The following LRMDA variants were observed in gnomAD, a reference collection of about 807,000 sequenced individuals.
The protein encoded by LRMDA is leucine rich melanocyte differentiation associated, also known as leucine-rich melanocyte differentiation-associated protein.
In LRMDA, 18 loss-of-function variants were observed where a neutral mutation model predicts 29.8. That is an observed-to-expected ratio of 0.60 (90% confidence interval 0.42 to 0.90). LRMDA has a LOEUF of 0.90. LRMDA is among the 40% of genes least tolerant of loss of function. LRMDA has a pLI of 0.00. For missense variants in LRMDA, 273 were observed against 273.9 expected, an observed-to-expected ratio of 1.00 and a Z score of 0.02; for synonymous variants, 125 against 109.4, an observed-to-expected ratio of 1.14 and a Z score of -0.89.
intron 5 of LRMDA, among the ~76,000 whole-genome samples, chr10:76,264,794 G>C (rs542717715): frequency 6.6e-6 from 1 of 152,214 alleles, no homozygotes. Flanking sequence ...GAAATGGAGA[G>C]AGATAAGAAT....
chr10:75,644,842 G>A (rs549065802), intron 2 of LRMDA, among the ~76,000 whole-genome samples: 27 of 152,246 alleles, frequency 1.8e-4, no homozygotes, highest in Middle Eastern at 3.4e-3. Flanking sequence ...CTTCACTTCT[G>A]CAGAATTCCA....
chr10:75,762,111 C>G (rs1843105153), intron 2 of LRMDA, among the ~76,000 whole-genome samples: 1 of 152,156 alleles, frequency 6.6e-6, no homozygotes, highest in Non-Finnish European at 1.5e-5. Flanking sequence ...CCATGCCAGG[C>G]CTGGCATAAT....
chr10:75,551,543 C>T (rs1266993427), intron 2 of LRMDA, among the ~76,000 whole-genome samples: 1 of 151,132 alleles, frequency 6.6e-6, no homozygotes, highest in African/African-American at 2.4e-5. Context: ...TCCATGTGTT[C>T]TAATTGTTCA....
rs1034126748 is a variant in LRMDA at position 76,559,144 on chromosome 10, C to G, written c.*1856C>G. ...AGACGAGTCAGATGTCATATCCAATCTAGCCACACATATATCCTTGTCTTT... is the reference window on the plus strand; with the variant it reads ...AGACGAGTCAGATGTCATATCCAATGTAGCCACACATATATCCTTGTCTTT... On this transcript the variant is annotated 3_prime_UTR_variant, in exon 7 of 7. Coordinates refer to ENST00000611255, the MANE Select transcript of LRMDA (RefSeq NM_001305581.2). 1 of 152,202 alleles carries G rather than the reference C, an allele frequency of 6.6e-6. No individual in the cohort carries two copies. Among genetic ancestry groups the G allele is most frequent in the African/African-American group, 2.4e-5 (1 of 41,452 alleles). The allele number at this position is 152,202 out of a possible 1,614,324, so 9.4% of individuals were successfully genotyped here.
intron 5 of LRMDA, among the ~76,000 whole-genome samples, chr10:76,276,844 G>C (rs560141776): frequency 6.6e-6 from 1 of 151,984 alleles, no homozygotes; most frequent in Non-Finnish European, 1.5e-5. Context: ...CTTGCCTTTC[G>C]TGGGTTCCAA....
chr10:76,016,895 A>G (rs1165585421), intron 2 of LRMDA, among the ~76,000 whole-genome samples: 1 of 152,188 alleles, frequency 6.6e-6, no homozygotes, highest in Non-Finnish European at 1.5e-5. Context: ...TCCTTGTGAA[A>G]CCACTTCCTT....
chr10:75,592,079 A>C (rs1008658539), intron 2 of LRMDA, among the ~76,000 whole-genome samples: 18 of 151,966 alleles, frequency 1.2e-4, no homozygotes, highest in Middle Eastern at 3.4e-3. Flanking sequence ...GAGGGAGAAA[A>C]AGCAACCCAG....
In LRMDA at chr10:75,731,542, T is replaced by A. The variant is rs147246365; in HGVS notation, c.131+293048T>A. On this transcript the variant is annotated intron_variant, in intron 2 of 6. Transcript: ENST00000611255. ...TCAATAAATGTTTGTTGAATGAGAT[T>A]AGGGAGCCCAGAGTTTGAAATTTTA... is the stretch of plus-strand genomic sequence containing the variant. Among the ~76,000 whole-genome samples the A allele has an allele frequency of 1.6e-3, 242 of 152,346 alleles. 1 individual carries two copies. The highest frequency in any genetic ancestry group is 5.4e-3 in the African/African-American group (223 of 41,566).
chr10:75,566,570 C>G (rs1298285983), intron 2 of LRMDA, among the ~76,000 whole-genome samples: 2 of 152,122 alleles, frequency 1.3e-5, no homozygotes, highest in East Asian at 3.9e-4. Flanking sequence ...TCTCTCTTTG[C>G]CTTCTCCTTG....
chr10:75,932,645 C>A (rs755908121), intron 2 of LRMDA, among the ~76,000 whole-genome samples: 7 of 151,764 alleles, frequency 4.6e-5, no homozygotes, highest in Middle Eastern at 3.2e-3. Flanking sequence ...GAAAAAAAAA[C>A]CAATGAAAAA....
intron 2 of LRMDA, among the ~76,000 whole-genome samples, chr10:75,631,987 G>C (rs188549723): frequency 1.3e-5 from 2 of 152,306 alleles, no homozygotes; most frequent in Admixed American, 6.5e-5. Context: ...ATGCCATAAT[G>C]TGTTCTGTCC....
At chr10:75,546,513 T>A (rs553436919) in intron 2 of LRMDA, among the ~76,000 whole-genome samples, 10 of 152,344 alleles carry the variant, frequency 6.6e-5, no homozygotes, top group Middle Eastern at 6.8e-3. Flanking sequence ...TTTCTAGTGT[T>A]GGGATCAAGG....
chr10:76,515,244 C>T (rs1437724549), intron 6 of LRMDA, among the ~76,000 whole-genome samples: 2 of 152,090 alleles, frequency 1.3e-5, no homozygotes, highest in Non-Finnish European at 2.9e-5. Context: ...TCTTGTAACT[C>T]CATAGTTCAT....
chr10:75,559,078 C>A (rs1840256014), intron 2 of LRMDA, among the ~76,000 whole-genome samples: 1 of 150,696 alleles, frequency 6.6e-6, no homozygotes, highest in Non-Finnish European at 1.5e-5. Context: ...AATGGTATTT[C>A]TAGTTCTAGA....
At chr10:75,555,065 G>C (rs1428859276) in intron 2 of LRMDA, among the ~76,000 whole-genome samples, 1 of 152,134 alleles carries the variant, frequency 6.6e-6, no homozygotes, top group Non-Finnish European at 1.5e-5. Flanking sequence ...ATGGGTATCT[G>C]ATGAGAAGGG....
chr10:76,168,890 C>T (rs566971782), intron 5 of LRMDA, among the ~76,000 whole-genome samples: 1 of 152,254 alleles, frequency 6.6e-6, no homozygotes, highest in East Asian at 1.9e-4. Flanking sequence ...ATGAAGTCCA[C>T]TGTTTATTGT....
chr10:75,609,628 T>C (rs997656722), intron 2 of LRMDA, among the ~76,000 whole-genome samples: 1 of 152,208 alleles, frequency 6.6e-6, no homozygotes. Flanking sequence ...TGCCAGGTGG[T>C]AAGCATTGTG....
rs114680505 is a variant in LRMDA at position 76,212,875 on chromosome 10, G to T, written c.517-111526G>T. ...GGGCTTGGTCAAGCAATGTGGGGGTGGGGGGATGTGCCAAGGAATCAGGCA... is the reference window on the plus strand; with the variant it reads ...GGGCTTGGTCAAGCAATGTGGGGGTTGGGGGATGTGCCAAGGAATCAGGCA... On this transcript the variant is annotated intron_variant, in intron 5 of 6. Transcript: ENST00000611255. 9.6e-4 allele frequency among the ~76,000 whole-genome samples: 146 copies of T among 152,198 alleles called. 2 individuals carry two copies. The East Asian group carries it at 0.026, about 27-fold the overall frequency.
intron 2 of LRMDA, among the ~76,000 whole-genome samples, chr10:75,770,657 C>T (rs1843227374): frequency 6.6e-6 from 1 of 152,074 alleles, no homozygotes; most frequent in Non-Finnish European, 1.5e-5. Flanking sequence ...ACCATATTGG[C>T]CTTGTGGAGG....
Sources: gnomAD v4.1 joint callset for allele counts (sites outside exome capture counted in the v4.1 genomes callset) on GRCh38, gnomAD v4.1.1 for gene constraint, MANE v1.5 for transcripts, NCBI Gene and HGNC (gene_info 2026-07-23, HGNC 2026-07-21) for gene names.